The following MEF2A variants were observed in gnomAD, a reference collection of about 807,000 sequenced individuals.
MEF2A encodes myocyte enhancer factor 2A, also known as myocyte-specific enhancer factor 2A.
MEF2A carries 28 observed loss-of-function variants against 55.8 expected under a neutral mutation model. That is an observed-to-expected ratio of 0.50 (90% confidence interval 0.37 to 0.69). The LOEUF is 0.69. Ranked by LOEUF, MEF2A falls within the 30% of genes least tolerant of loss-of-function variation. The pLI, the probability that MEF2A is intolerant of heterozygous loss-of-function variation, is 0.00. For missense variants in MEF2A, 528 were observed against 626.2 expected (o/e 0.84, Z 1.67); for synonymous variants, 239 against 227.1 (o/e 1.05, Z -0.47).
chr15:99,667,304 T>C (rs2049985931), intron 4 of MEF2A, among the ~76,000 whole-genome samples: 1 of 152,146 alleles, frequency 6.6e-6, no homozygotes. Flanking sequence ...CACTGCAAGC[T>C]CCGCCTCCCG....
At chr15:99,680,364 C>T (rs2153672739) in intron 7 of MEF2A, among the ~76,000 whole-genome samples, 1 of 152,046 alleles carries the variant, frequency 6.6e-6, no homozygotes, top group Non-Finnish European at 1.5e-5. Context: ...AAATACTACT[C>T]TTACTTACTA....
intron 7 of MEF2A, among the ~76,000 whole-genome samples, chr15:99,681,281 GAA>G (rs1301928845): frequency 6.6e-6 from 1 of 152,192 alleles, no homozygotes; most frequent in Non-Finnish European, 1.5e-5. Flanking sequence ...CAGTTAAAAA[GAA>G]GAGATGGAAG....
chr15:99,686,034 C>T (rs565764355), intron 7 of MEF2A, among the ~76,000 whole-genome samples: 71 of 151,998 alleles, frequency 4.7e-4, no homozygotes, highest in Admixed American at 1.8e-3. Flanking sequence ...CCTCATTTAA[C>T]CTAGGCGGGT....
intron 8 of MEF2A, among the ~76,000 whole-genome samples, chr15:99,701,347 A>G (rs2153787876): frequency 6.6e-6 from 1 of 152,318 alleles, no homozygotes; most frequent in Admixed American, 6.5e-5. Flanking sequence ...ATTGAGAGAC[A>G]TTCTATAAGA....
chr15:99,566,320 G>C (rs1006022200), intron 1 of MEF2A, among the ~76,000 whole-genome samples: 11 of 149,732 alleles, frequency 7.3e-5, no homozygotes, highest in African/African-American at 2.7e-4. Context: ...TGGCGGGGCG[G>C]GTAGGGTGCT....
chr15:99,627,419 C>CAAAAAA lies in MEF2A; in HGVS notation c.-142-5533_-142-5528dup, dbSNP rs139658538. Among the ~76,000 whole-genome samples the CAAAAAA allele has an allele frequency of 1.2e-3, 51 of 43,062 alleles. 5 individuals are homozygous for CAAAAAA. The highest frequency in any genetic ancestry group is 4.7e-3 in the African/African-American group (43 of 9,138). 28.3% of individuals were successfully genotyped at this position (43,062 alleles called of 152,430 possible). A position where few individuals can be genotyped will look rare whatever the true frequency, so the allele number is the denominator to read the frequency against. ...TGGGCGACAGAGTGAGACTTTATCT[C>CAAAAAA]AAAAAAAAAAAAAAAAAAAAAAAAA... On this transcript the variant is annotated intron_variant, in intron 2 of 11. Transcript: ENST00000557942.
chr15:99,702,492 A>T (rs1285043361), intron 8 of MEF2A, among the ~76,000 whole-genome samples: 1 of 140,628 alleles, frequency 7.1e-6, no homozygotes, highest in African/African-American at 2.7e-5. Context: ...CAGTGGCGTG[A>T]TCTCAGCTCA....
intron 4 of MEF2A, among the ~76,000 whole-genome samples, chr15:99,651,456 T>G (rs1348294794): frequency 6.6e-6 from 1 of 152,156 alleles, no homozygotes; most frequent in African/African-American, 2.4e-5. Context: ...GCTTGCCTAA[T>G]GTTTTACAGG....
intron 3 of MEF2A, among the ~76,000 whole-genome samples, chr15:99,638,378 G>C (rs922333091): frequency 3.3e-5 from 5 of 152,132 alleles, no homozygotes; most frequent in African/African-American, 1.2e-4. Flanking sequence ...TGTGTCTTCA[G>C]ATATTGCTTG....
At chr15:99,622,320 G>T (rs2041322580) in intron 2 of MEF2A, among the ~76,000 whole-genome samples, 1 of 152,124 alleles carries the variant, frequency 6.6e-6, no homozygotes, top group Admixed American at 6.5e-5. Flanking sequence ...TCCCTCCTAG[G>T]AAAAGATAAC....
chr15:99,691,303 G>T (rs552230539), intron 8 of MEF2A, among the ~76,000 whole-genome samples: 4 of 152,180 alleles, frequency 2.6e-5, no homozygotes, highest in African/African-American at 7.2e-5. Context: ...CAGGCTAGAA[G>T]CATTAACCAT....
intron 3 of MEF2A, among the ~76,000 whole-genome samples, chr15:99,635,234 T>C (rs138040275): frequency 1.8e-4 from 27 of 152,280 alleles, no homozygotes; most frequent in African/African-American, 6.5e-4. Context: ...TAGGGACTAT[T>C]GGTTGGAGGA....
intron 2 of MEF2A, among the ~76,000 whole-genome samples, chr15:99,602,057 C>G (rs1245765211): frequency 1.3e-5 from 2 of 152,048 alleles, no homozygotes; most frequent in Non-Finnish European, 2.9e-5. Flanking sequence ...AGTTCTTGCC[C>G]TCTCAGAAGA....
At chr15:99,677,863 A>G (rs1192762312) in intron 7 of MEF2A, among the ~76,000 whole-genome samples, 3 of 152,200 alleles carry the variant, frequency 2.0e-5, no homozygotes, top group Non-Finnish European at 4.4e-5. Flanking sequence ...AGTAGGTAGA[A>G]CCAAATAACA....
chr15:99,569,470 T>C (rs1436972341), intron 1 of MEF2A, among the ~76,000 whole-genome samples: 1 of 152,266 alleles, frequency 6.6e-6, no homozygotes, highest in Non-Finnish European at 1.5e-5. Context: ...TTAAATTCAT[T>C]GTCAGATTAT....
intron 2 of MEF2A, among the ~76,000 whole-genome samples, chr15:99,623,968 G>A (rs149193839): frequency 3.3e-5 from 5 of 151,934 alleles, no homozygotes; most frequent in Admixed American, 1.3e-4. Context: ...CCACCAACCC[G>A]GCTAATTTTT....
At chr15:99,639,798 C>A (rs893059688) in intron 3 of MEF2A, among the ~76,000 whole-genome samples, 3 of 151,578 alleles carry the variant, frequency 2.0e-5, no homozygotes, top group South Asian at 2.1e-4. Context: ...TTATTTTATT[C>A]TTTTTTCTGG....
intron 3 of MEF2A, among the ~76,000 whole-genome samples, 180 bp from the exon 4 acceptor site, chr15:99,645,381 C>T (rs1197094940): frequency 6.6e-6 from 1 of 152,066 alleles, no homozygotes; most frequent in Non-Finnish European, 1.5e-5. Flanking sequence ...TTGGCATATA[C>T]AAAACAAATG....
intron 1 of MEF2A, among the ~76,000 whole-genome samples, chr15:99,575,672 C>T (rs908021262): frequency 6.6e-6 from 1 of 152,168 alleles, no homozygotes; most frequent in Non-Finnish European, 1.5e-5. Context: ...CTCCTCCAAA[C>T]GCTTACAGAA....
Sources: allele counts gnomAD v4.1 joint callset (sites outside exome capture counted in the v4.1 genomes callset), GRCh38; gene constraint gnomAD v4.1.1; transcripts MANE v1.5; gene names NCBI Gene and HGNC (gene_info 2026-07-23, HGNC 2026-07-21).